The following NTM variants were observed in gnomAD, a reference collection of about 807,000 sequenced individuals.
The protein encoded by NTM is neurotrimin, also known as IgLON family member 2.
Under a neutral mutation model 42.1 loss-of-function variants are expected in NTM, and 13 were observed. That is an observed-to-expected ratio of 0.31 (90% CI 0.20 to 0.49). The LOEUF (loss-of-function observed/expected upper bound fraction) is 0.49. NTM is among the 20% of genes least tolerant of loss of function. NTM has a pLI of 0.99. For synonymous variants in NTM, 187 were observed against 179.2 expected, an observed-to-expected ratio of 1.04 and a Z score of -0.35; for missense variants, 373 against 452.8, an observed-to-expected ratio of 0.82 and a Z score of 1.60.
intron 1 of NTM, among the ~76,000 whole-genome samples, chr11:131,456,773 A>G (rs1331890125): frequency 6.6e-6 from 1 of 152,192 alleles, no homozygotes; most frequent in Non-Finnish European, 1.5e-5. Context: ...TGACACTAGC[A>G]TGTTCCTTTG....
chr11:132,074,255 C>T (rs1220458895), intron 2 of NTM, among the ~76,000 whole-genome samples: 1 of 152,170 alleles, frequency 6.6e-6, no homozygotes, highest in African/African-American at 2.4e-5. Context: ...GAACACCAGG[C>T]CTTGCTTGTG....
chr11:131,774,231 C>A, intron 1 of NTM: 1 of 409,612 alleles, frequency 2.4e-6, no homozygotes, highest in Non-Finnish European at 3.3e-6. Flanking sequence ...CTGATTTTTG[C>A]CCCTTACAAC....
chr11:132,317,670 C>T (rs902480970), intron 7 of NTM: 25 of 1,303,510 alleles, frequency 1.9e-5, no homozygotes, highest in East Asian at 1.1e-4. Context: ...AATGAGCCTA[C>T]GAGCTCAACT....
intron 1 of NTM, among the ~76,000 whole-genome samples, chr11:131,698,320 C>A (rs916766899): frequency 6.6e-6 from 1 of 152,170 alleles, no homozygotes; most frequent in African/African-American, 2.4e-5. Flanking sequence ...TACTCTATTT[C>A]ATGACTCCTT....
At chr11:132,270,616 T>C (rs2093428352) in intron 4 of NTM, among the ~76,000 whole-genome samples, 1 of 152,100 alleles carries the variant, frequency 6.6e-6, no homozygotes, top group Non-Finnish European at 1.5e-5. Flanking sequence ...AAAACTGTTA[T>C]GAACATTTTT....
intron 1 of NTM, among the ~76,000 whole-genome samples, chr11:131,484,793 A>C (rs2136256338): frequency 6.6e-6 from 1 of 152,232 alleles, no homozygotes; most frequent in East Asian, 1.9e-4. Flanking sequence ...ATACCTCCTA[A>C]GCATCTTCTA....
intron 1 of NTM, among the ~76,000 whole-genome samples, chr11:131,868,438 A>G (rs1324178292): frequency 6.6e-6 from 1 of 151,988 alleles, no homozygotes; most frequent in Non-Finnish European, 1.5e-5. Context: ...CCACACCACC[A>G]CAAGGTTAAC....
intron 1 of NTM, among the ~76,000 whole-genome samples, chr11:131,746,223 G>A (rs1207163887): frequency 2.0e-5 from 3 of 152,192 alleles, no homozygotes; most frequent in African/African-American, 7.2e-5. Context: ...TTCAGGGCTG[G>A]TGAGATTTAA....
intron 1 of NTM, among the ~76,000 whole-genome samples, chr11:131,845,738 C>T (rs2044822224): frequency 6.6e-6 from 1 of 151,010 alleles, no homozygotes; most frequent in African/African-American, 2.4e-5. Context: ...TTCTTGCTCT[C>T]TAAAACCACT....
At chr11:132,099,703 A>T (rs995965920) in intron 2 of NTM, among the ~76,000 whole-genome samples, 2 of 152,200 alleles carry the variant, frequency 1.3e-5, no homozygotes, top group African/African-American at 2.4e-5. Flanking sequence ...AACTTAAGAA[A>T]CAGGTCTTCT....
intron 1 of NTM, among the ~76,000 whole-genome samples, chr11:131,759,124 A>G (rs1228445540): frequency 6.6e-6 from 1 of 152,168 alleles, no homozygotes; most frequent in East Asian, 1.9e-4. Flanking sequence ...TTATGATTCC[A>G]CTTAGAACAT....
intron 1 of NTM, among the ~76,000 whole-genome samples, chr11:131,478,400 T>C (rs988110215): frequency 1.3e-5 from 2 of 152,206 alleles, no homozygotes; most frequent in African/African-American, 4.8e-5. Flanking sequence ...GTAGGTAGCA[T>C]ACCAGGGTAC....
At chr11:132,093,969 C>T (rs965763432) in intron 2 of NTM, among the ~76,000 whole-genome samples, 36 of 152,080 alleles carry the variant, frequency 2.4e-4, no homozygotes, top group African/African-American at 5.1e-4. Flanking sequence ...AGCGCAGCTA[C>T]GTGGTGAAGA....
intron 1 of NTM, among the ~76,000 whole-genome samples, chr11:131,584,897 G>T (rs960430534): frequency 1.3e-5 from 2 of 152,250 alleles, no homozygotes; most frequent in East Asian, 1.9e-4. Flanking sequence ...CATCGGGCCT[G>T]GTGCTGCCAG....
intron 1 of NTM, among the ~76,000 whole-genome samples, chr11:131,467,605 G>A (rs757102346): frequency 6.6e-6 from 1 of 152,230 alleles, no homozygotes; most frequent in Non-Finnish European, 1.5e-5. Context: ...ATACCTGAGT[G>A]TTGGACTAAA....
intron 1 of NTM, among the ~76,000 whole-genome samples, chr11:131,787,782 G>A (rs2136071279): frequency 6.6e-6 from 1 of 152,304 alleles, no homozygotes; most frequent in East Asian, 1.9e-4. Context: ...AACCTCAGCT[G>A]TGAACCCTTC....
At position 131,613,586 on chromosome 11, in the gene NTM, A is replaced by C. The variant is rs141088464; in HGVS notation, c.82+242698A>C. Among the ~76,000 whole-genome samples, 918 of 152,280 alleles carry C rather than the reference A, an allele frequency of 6.0e-3. 5 individuals carry two copies. Among genetic ancestry groups the C allele is most frequent in the Middle Eastern group, 0.034 (10 of 294 alleles). On this transcript the variant is annotated intron_variant, in intron 1 of 8. Transcript: ENST00000683400. ...ATAAATCTACTATGACTCAAGTTCA[A>C]CCGTCTCATTTTAAAATGTGACTAA...
intron 2 of NTM, among the ~76,000 whole-genome samples, chr11:132,135,244 G>T (rs148513002): frequency 1.1e-3 from 164 of 152,280 alleles, no homozygotes; most frequent in African/African-American, 3.8e-3. Flanking sequence ...TCTCCCAGGG[G>T]CAGGGCTCAC....
chr11:131,407,835 C>A (rs1024818474), intron 1 of NTM, among the ~76,000 whole-genome samples: 1 of 152,148 alleles, frequency 6.6e-6, no homozygotes, highest in Non-Finnish European at 1.5e-5. Flanking sequence ...TTTCTCTGAG[C>A]AAATATGCCA....
Sources: allele counts gnomAD v4.1 joint callset (sites outside exome capture counted in the v4.1 genomes callset), GRCh38; gene constraint gnomAD v4.1.1; transcripts MANE v1.5; gene names NCBI Gene and HGNC (gene_info 2026-07-23, HGNC 2026-07-21).